The following THRB variants were observed in gnomAD, a reference collection of about 807,000 sequenced individuals.
The protein encoded by THRB is thyroid hormone receptor beta.
THRB carries 12 observed loss-of-function variants against 47.8 expected under a neutral mutation model. The ratio of observed to expected loss-of-function variants is 0.25; its 90% CI spans 0.16 to 0.41. The LOEUF (loss-of-function observed/expected upper bound fraction) is 0.41, where lower values mean the gene tolerates loss of function less well. THRB is among the 10% of genes least tolerant of loss of function. The pLI is 1.00. For missense variants in THRB, 348 were observed against 589.2 expected, an observed-to-expected ratio of 0.59 and a Z score of 4.24; for synonymous variants, 218 against 212.2, an observed-to-expected ratio of 1.03 and a Z score of -0.24.
chr3:24,202,683 G>A (rs993742306), intron 4 of THRB, among the ~76,000 whole-genome samples: 4 of 152,130 alleles, frequency 2.6e-5, no homozygotes, highest in African/African-American at 9.7e-5. Context: ...CCTATAGAGG[G>A]CCTACTATGT....
chr3:24,449,449 A>G (rs2072425691), intron 1 of THRB, among the ~76,000 whole-genome samples: 1 of 152,216 alleles, frequency 6.6e-6, no homozygotes, highest in Admixed American at 6.5e-5. Context: ...GCTGGAGAAT[A>G]CCGCTGCAGG....
chr3:24,321,371 T>A (rs150363923), intron 2 of THRB, among the ~76,000 whole-genome samples: 11 of 152,320 alleles, frequency 7.2e-5, no homozygotes, highest in Admixed American at 2.0e-4. Flanking sequence ...GGTAGGTTTA[T>A]GAATTTTTGA....
In THRB at chr3:24,117,307, A is replaced by C. The variant is rs1203854756; in HGVS notation, c.*5577T>G. The C allele has an allele frequency of 6.6e-6, 1 of 152,200 alleles. No homozygotes were observed. Among genetic ancestry groups the C allele is most frequent in the Non-Finnish European group, 1.5e-5 (1 of 68,022 alleles). The allele number at this position is 152,200 out of a possible 1,614,324, so 9.4% of individuals were successfully genotyped here. A position where few individuals can be genotyped will look rare whatever the true frequency, so the allele number is the denominator to read the frequency against. ...GGGCACTGGTTGCTTTTGCTTGCCC[A>C]CCATTCTCTTCCACTTATAGCAGCA... On this transcript the variant is annotated 3_prime_UTR_variant, in exon 11 of 11. Transcript: ENST00000646209.
intron 1 of THRB, among the ~76,000 whole-genome samples, chr3:24,437,707 T>A (rs1179074034): frequency 1.3e-5 from 2 of 152,036 alleles, no homozygotes; most frequent in Non-Finnish European, 2.9e-5. Flanking sequence ...TCTTTGTTAC[T>A]TTTCTGGATT....
intron 3 of THRB, among the ~76,000 whole-genome samples, chr3:24,235,135 A>C (rs184535967): frequency 1.3e-5 from 2 of 152,238 alleles, no homozygotes; most frequent in African/African-American, 4.8e-5. Flanking sequence ...ATTACTTCTA[A>C]TTGCTTTTGT....
chr3:24,129,438 C>T (rs749615808), intron 9 of THRB, among the ~76,000 whole-genome samples: 5 of 152,140 alleles, frequency 3.3e-5, no homozygotes, highest in Non-Finnish European at 7.3e-5. Flanking sequence ...TGGGGCAGGC[C>T]CCACTTTTGA....
chr3:24,118,693 G>A lies in THRB; in HGVS notation c.*4191C>T, dbSNP rs2031077629. 6.6e-6 allele frequency: 1 copy of A among 152,588 alleles called. No homozygotes were observed. The highest frequency in any genetic ancestry group is 2.1e-4 in the South Asian group (1 of 4,824). The allele number at this position is 152,588 out of a possible 1,614,324, so 9.5% of individuals were successfully genotyped here. ...TGTATCAACAATACATATGTAAAGT[G>A]TCTCCTTTTGTCTTACATTGTGCTC... is the stretch of plus-strand genomic sequence containing the variant. On this transcript the variant is annotated 3_prime_UTR_variant, in exon 11 of 11. Coordinates refer to ENST00000646209, the MANE Select transcript of THRB (RefSeq NM_001354712.2).
At chr3:24,391,795 A>G (rs1292000098) in intron 1 of THRB, among the ~76,000 whole-genome samples, 1 of 152,090 alleles carries the variant, frequency 6.6e-6, no homozygotes, top group Non-Finnish European at 1.5e-5. Context: ...CATCATCACC[A>G]TTATTGCTTG....
chr3:24,185,983 G>T (rs2042521230), intron 5 of THRB, among the ~76,000 whole-genome samples: 1 of 152,186 alleles, frequency 6.6e-6, no homozygotes, highest in African/African-American at 2.4e-5. Context: ...GCTGGCAATT[G>T]AGATAAGCTA....
At chr3:24,399,645 C>T (rs986219749) in intron 1 of THRB, among the ~76,000 whole-genome samples, 29 of 152,106 alleles carry the variant, frequency 1.9e-4, no homozygotes, top group African/African-American at 6.0e-4. Flanking sequence ...GCTAGTTTAG[C>T]TTCTCTTGGA....
intron 1 of THRB, among the ~76,000 whole-genome samples, chr3:24,427,987 A>G (rs1577484014): frequency 6.6e-6 from 1 of 151,912 alleles, no homozygotes; most frequent in Admixed American, 6.6e-5. Context: ...TACTTGCTCC[A>G]GCTTATGTGC....
At chr3:24,346,730 A>T (rs868132104) in intron 1 of THRB, among the ~76,000 whole-genome samples, 9 of 152,062 alleles carry the variant, frequency 5.9e-5, no homozygotes, top group Non-Finnish European at 1.0e-4. Flanking sequence ...GAAAGATATG[A>T]GCGCTAAATC....
At chr3:24,223,219 TGTGA>T (rs1401514406) in intron 4 of THRB, among the ~76,000 whole-genome samples, 2 of 152,198 alleles carry the variant, frequency 1.3e-5, no homozygotes, top group Admixed American at 6.5e-5. Flanking sequence ...CACCACTTTG[TGTGA>T]GTGTTTGGTG....
intron 5 of THRB, among the ~76,000 whole-genome samples, chr3:24,169,569 G>A (rs986868756): frequency 7.2e-5 from 11 of 151,772 alleles, no homozygotes; most frequent in Non-Finnish European, 1.2e-4. Context: ...GATAACGGTA[G>A]TCACTTCATT....
intron 1 of THRB, among the ~76,000 whole-genome samples, chr3:24,471,304 G>C (rs906345417): frequency 2.6e-5 from 4 of 152,274 alleles, no homozygotes; most frequent in African/African-American, 9.6e-5. Flanking sequence ...GCAGCAATCT[G>C]TATGTTAACA....
Position 24,344,921 on chromosome 3 carries a change from A to T in THRB, c.-260-7550T>A, listed in dbSNP as rs559072066. Among the ~76,000 whole-genome samples the T allele has an allele frequency of 1.6e-4, 25 of 152,224 alleles. 1 individual carries two copies. In the South Asian group the frequency reaches 5.2e-3, roughly 32 times the overall value. On this transcript the variant is annotated intron_variant, in intron 1 of 10. Transcript: ENST00000646209. Reference sequence around the variant, plus strand: ...GAAGCAAAATGACTAAAGTACTCTGACTTTATTCACCAATGTAAACATATC... The same window carrying T: ...GAAGCAAAATGACTAAAGTACTCTGTCTTTATTCACCAATGTAAACATATC...
chr3:24,277,728 T>C (rs578123154), intron 3 of THRB, among the ~76,000 whole-genome samples: 6 of 152,224 alleles, frequency 3.9e-5, no homozygotes, highest in Non-Finnish European at 8.8e-5. Flanking sequence ...AAGCTAGTTA[T>C]AAAGTTACCC....
rs549486938 is a variant in THRB at position 24,455,503 on chromosome 3, T to A, written c.-261+39149A>T. The A allele has an allele frequency of 5.3e-5, 8 of 152,280 alleles. No individual in the cohort carries two copies. The South Asian group carries it at 1.5e-3, about 28-fold the overall frequency. 9.4% of individuals were successfully genotyped at this position (152,280 alleles called of 1,614,324 possible). A position where few individuals can be genotyped will look rare whatever the true frequency, so the allele number is the denominator to read the frequency against. On this transcript the variant is annotated intron_variant, in intron 1 of 10. Transcript: ENST00000646209. ...TTTCTTAGTGTTTCTGAGTTAATAA[T>A]GGAAGCACAACTTTGGTTAAATCAT...
At chr3:24,127,372 T>G in intron 10 of THRB, 127 bp downstream of exon 10, 2 of 1,033,484 alleles carry the variant, frequency 1.9e-6, no homozygotes, top group Middle Eastern at 3.0e-4. Flanking sequence ...AACCTGCAAT[T>G]TCTTACTGAA....
Sources: gnomAD v4.1 joint callset for allele counts (sites outside exome capture counted in the v4.1 genomes callset) on GRCh38, gnomAD v4.1.1 for gene constraint, MANE v1.5 for transcripts, NCBI Gene and HGNC (gene_info 2026-07-23, HGNC 2026-07-21) for gene names.